WDFY4: variants seen among roughly 807,000 people sequenced by gnomAD.
The protein encoded by WDFY4 is WDFY family member 4, also known as WD repeat- and FYVE domain-containing protein 4.
A neutral mutation model predicts 351.9 loss-of-function variants in WDFY4; 169 were observed. The observed-to-expected ratio is 0.48, with a 90% CI of 0.42 to 0.55. The LOEUF (loss-of-function observed/expected upper bound fraction) is 0.55, where lower values mean the gene tolerates loss of function less well. Among genes scored for constraint, WDFY4 ranks in the 20% least tolerant of loss-of-function variants. The pLI is 0.00. For synonymous variants in WDFY4, 1,622 were observed against 1,574.6 expected (o/e 1.03, Z -0.71); for missense variants, 3,803 against 3,935.6 (o/e 0.97, Z 0.90).
intron 19 of WDFY4, among the ~76,000 whole-genome samples, chr10:48,784,852 T>A (rs1349697748): frequency 1.2e-5 from 1 of 82,784 alleles, no homozygotes; most frequent in Non-Finnish European, 2.0e-5. Flanking sequence ...ATCGTTTACT[T>A]TTTTTTTTTT....
At position 48,946,960 on chromosome 10, in the gene WDFY4, C is replaced by T. The variant is rs1179409466; in HGVS notation, c.7968C>T (p.Cys2656=). Reference sequence around the variant, plus strand: ...TGCCACCCTTCACCCAGGCCTTCTGCGCTCTGCAGGTGAGCTGCTGCCACT... The same window carrying T: ...TGCCACCCTTCACCCAGGCCTTCTGTGCTCTGCAGGTGAGCTGCTGCCACT... ...VRMPPFTQAF[C]ALQGGSFDVA... Residue 2656 remains cysteine, a synonymous_variant, in exon 51 of 62, where the codon TGC becomes TGT. Transcript: ENST00000325239. The T allele has an allele frequency of 1.7e-5, 26 of 1,549,752 alleles. No individual in the cohort carries two copies. Among genetic ancestry groups the T allele is most frequent in the Non-Finnish European group, 1.7e-5 (20 of 1,146,470 alleles).
chr10:48,747,217 C>A (rs2065041231), intron 12 of WDFY4, among the ~76,000 whole-genome samples: 1 of 152,012 alleles, frequency 6.6e-6, no homozygotes, highest in Non-Finnish European at 1.5e-5. Flanking sequence ...TCCATTGTTG[C>A]CTTTTAAAAT....
chr10:48,901,478 G>T (rs191050479), intron 46 of WDFY4, among the ~76,000 whole-genome samples: 1 of 152,236 alleles, frequency 6.6e-6, no homozygotes, highest in Non-Finnish European at 1.5e-5. Context: ...TCACAGCAAC[G>T]CACTGGAATG....
chr10:48,793,029 G>C (rs1342277611), intron 23 of WDFY4, among the ~76,000 whole-genome samples: 1 of 152,264 alleles, frequency 6.6e-6, no homozygotes, highest in Admixed American at 6.5e-5. Flanking sequence ...AGCTCATCAA[G>C]AGGTTTCCTG....
At chr10:48,692,226 G>A (rs1156307694) in intron 1 of WDFY4, among the ~76,000 whole-genome samples, 1 of 152,220 alleles carries the variant, frequency 6.6e-6, no homozygotes, top group Non-Finnish European at 1.5e-5. Context: ...AAAAGCCCAG[G>A]GCACTGCCCT....
At chr10:48,966,825 G>A (rs941797242) in intron 55 of WDFY4, 152 bp downstream of exon 55, 5 of 1,099,124 alleles carry the variant, frequency 4.5e-6, no homozygotes, top group South Asian at 1.7e-5. Context: ...CAGATTCTAG[G>A]GGGGTGTCAT....
Position 48,775,825 on chromosome 10 carries a change from A to G in WDFY4, c.2863+19A>G. 6.5e-7 allele frequency: 1 copy of G among 1,543,382 alleles called. No individual in the cohort carries two copies. On this transcript the variant is annotated intron_variant, in intron 15 of 61. Transcript: ENST00000325239. ...TGCTCAGGTGAGGACAGTGGCAAGA[A>G]CGGGGCAGGTTAATGGGAAGTAAAA...
At chr10:48,822,054 G>T (rs556112135) in intron 34 of WDFY4, among the ~76,000 whole-genome samples, 3 of 152,300 alleles carry the variant, frequency 2.0e-5, no homozygotes, top group Admixed American at 2.0e-4. Flanking sequence ...TGTAGCAGCA[G>T]GGCCCCTGGT....
rs1054496515 is a variant in WDFY4 at position 48,957,156 on chromosome 10, A to G, written c.8005A>G (p.Met2669Val). The G allele has an allele frequency of 2.4e-5, 37 of 1,550,980 alleles. No homozygotes were observed. The highest frequency in any genetic ancestry group is 3.2e-5 in the Non-Finnish European group (37 of 1,146,536). The stretch of plus-strand genomic sequence containing the variant: ...CGGAAGCTTCGACGTGGCAGACAGA[A>G]TGTTCCACAGTGTGAAGAGCACGTG... ...QGGSFDVADRMFHSVKSTWES... is the reference protein window; with the variant it reads ...QGGSFDVADRVFHSVKSTWES... The change falls in exon 52 of 62, where the codon ATG becomes GTG. Residue 2669 changes from methionine to valine, a missense_variant. Physicochemically the swap from Met to Val is conservative, Grantham distance 21. This residue lies in a region of WDFY4 where 3,054 missense variants were observed against 3,148.6 expected (regional missense o/e 0.97). Transcript: ENST00000325239.
In WDFY4 at chr10:48,976,782, G is replaced by T; in HGVS notation, c.9109-15G>T. The T allele has an allele frequency of 7.3e-7, 1 of 1,373,460 alleles. No homozygotes were observed. Among genetic ancestry groups the T allele is most frequent in the South Asian group, 1.8e-5 (1 of 56,272 alleles). 85.1% of individuals were successfully genotyped at this position (1,373,460 alleles called of 1,614,324 possible). A position where few individuals can be genotyped will look rare whatever the true frequency, so the allele number is the denominator to read the frequency against. ...GTGACTCCAGCTTAGAGTGATGCCA[G>T]CTCTCACTGCACAGGGCACCATTGT... On this transcript the variant is annotated splice_polypyrimidine_tract_variant and intron_variant, in intron 58 of 61. Coordinates refer to ENST00000325239, the MANE Select transcript of WDFY4 (RefSeq NM_001394531.1).
chr10:48,891,104 T>G (rs997450511), intron 44 of WDFY4, among the ~76,000 whole-genome samples: 1 of 152,244 alleles, frequency 6.6e-6, no homozygotes, highest in Admixed American at 6.5e-5. Flanking sequence ...CCGAGGGACT[T>G]AATGCAATCG....
intron 37 of WDFY4, among the ~76,000 whole-genome samples, chr10:48,829,310 A>G (rs2068110395): frequency 6.6e-6 from 1 of 152,226 alleles, no homozygotes; most frequent in African/African-American, 2.4e-5. Flanking sequence ...TTCATTCCCT[A>G]GTAAATGAGA....
intron 32 of WDFY4, among the ~76,000 whole-genome samples, chr10:48,818,287 C>G (rs752555542): frequency 6.6e-6 from 1 of 152,190 alleles, no homozygotes; most frequent in African/African-American, 2.4e-5. Context: ...ATAATCCATG[C>G]CAAGTGTGAT....
At chr10:48,786,447 GT>G (rs1329995435) in intron 19 of WDFY4, among the ~76,000 whole-genome samples, 191 bp from the exon 20 acceptor site, 1 of 152,114 alleles carries the variant, frequency 6.6e-6, no homozygotes, top group Admixed American at 6.5e-5. Flanking sequence ...GACAGTATCA[GT>G]TTTTTACTCC....
chr10:48,875,052 C>T (rs1013687649), intron 41 of WDFY4, 37 bp from the exon 42 acceptor site: 2 of 1,343,674 alleles, frequency 1.5e-6, no homozygotes, highest in Non-Finnish European at 2.0e-6. Context: ...ATGTAGCATC[C>T]AGGATTTAAT....
At chr10:48,873,827 T>C in intron 41 of WDFY4, 130 bp downstream of exon 41, 1 of 1,027,074 alleles carries the variant, frequency 9.7e-7, no homozygotes, top group Non-Finnish European at 1.4e-6. Flanking sequence ...TGTAGGAGAG[T>C]CCCAAAATTT....
chr10:48,775,631 A>G (rs2066006600), intron 14 of WDFY4, 81 bp from the exon 15 acceptor site: 1 of 1,348,806 alleles, frequency 7.4e-7, no homozygotes, highest in African/African-American at 1.5e-5. Context: ...CCAGGCATCT[A>G]GGACAGTTGT....
chr10:48,867,397 C>A, intron 40 of WDFY4, 55 bp downstream of exon 40: 4 of 1,212,266 alleles, frequency 3.3e-6, no homozygotes, highest in South Asian at 1.8e-5. Context: ...CCACCTTGAA[C>A]CTGAAAAATA....
rs903568193 is a variant in WDFY4, at chr10:48,805,591, G to A, written c.4646+170G>A. Among the ~76,000 whole-genome samples, 63 of 152,330 alleles carry A rather than the reference G, an allele frequency of 4.1e-4. 1 individual carries two copies. The highest frequency in any genetic ancestry group is 1.5e-3 in the African/African-American group (61 of 41,568). ...GGAAAGGATGGTTTGCTGAAGTCAG[G>A]ATGGGACAGGCCGGTTTCCCCAGCA... On this transcript the variant is annotated intron_variant, in intron 26 of 61. Coordinates refer to ENST00000325239, the MANE Select transcript of WDFY4 (RefSeq NM_001394531.1).
Sources: gnomAD v4.1 joint callset for allele counts (sites outside exome capture counted in the v4.1 genomes callset) on GRCh38, gnomAD v4.1.1 for gene constraint, gnomAD v4.1.1 regional missense constraint, MANE v1.5 for transcripts, NCBI Gene and HGNC (gene_info 2026-07-23, HGNC 2026-07-21) for gene names.